The following HAUS7 variants were observed in gnomAD, a reference collection of about 807,000 sequenced individuals.
HAUS7 encodes HAUS augmin-like complex subunit 7.
A neutral mutation model predicts 28.4 loss-of-function variants in HAUS7; 3 were observed. The observed-to-expected ratio is 0.11, with a 90% CI of 0.05 to 0.27. The LOEUF is 0.27. HAUS7 is among the 10% of genes least tolerant of loss of function. The pLI is 1.00. For synonymous variants in HAUS7, 165 were observed against 132.1 expected (o/e 1.25, Z -1.71); for missense variants, 284 against 297.3 (o/e 0.96, Z 0.33).
intron 1 of HAUS7, among the ~76,000 whole-genome samples, chrX:153,485,114 C>T (rs1489967997): frequency 8.9e-6 from 1 of 112,186 alleles, no homozygotes; most frequent in Non-Finnish European, 1.9e-5. Flanking sequence ...ATGGAGCGAC[C>T]GGGGGCTCCC....
At chrX:153,473,343 G>T (rs1235957584), upstream of HAUS7, among the ~76,000 whole-genome samples, 5 of 112,581 alleles carry the variant, frequency 4.4e-5, no homozygotes, top group African/African-American at 1.6e-4. Flanking sequence ...TTAGACCTGA[G>T]GGGGAGCCAC....
chrX:153,480,888 G>T, intron 1 of HAUS7: 1 of 754,950 alleles, frequency 1.3e-6, no homozygotes, highest in Non-Finnish European at 1.6e-6. Context: ...GCCCTGGCAG[G>T]CCGGCAGGGA....
At chrX:153,448,364 A>G (rs781940162) in intron 9 of HAUS7, among the ~76,000 whole-genome samples, 133 of 82,134 alleles carry the variant, frequency 1.6e-3, no homozygotes, top group African/African-American at 5.9e-3. Context: ...TGGACACAGG[A>G]AGGGGAACAT....
upstream of HAUS7, chrX:153,470,637 T>TTC: frequency 8.8e-7 from 1 of 1,139,693 alleles, no homozygotes; most frequent in Non-Finnish European, 1.2e-6. Flanking sequence ...CCAGCGTTCT[T>TTC]CCCGCCCACC....
chrX:153,487,847 A>G (rs1311351060), intron 1 of HAUS7, among the ~76,000 whole-genome samples: 1 of 112,604 alleles, frequency 8.9e-6, no homozygotes, highest in Non-Finnish European at 1.9e-5. Flanking sequence ...CTGGCCAGAT[A>G]TGCTGGTGGA....
At chrX:153,455,029 G>A (rs782475675) in intron 8 of HAUS7, 17 of 1,023,438 alleles carry the variant, frequency 1.7e-5, no homozygotes, top group Non-Finnish European at 2.2e-5. Flanking sequence ...ACTAAAGCCG[G>A]CTTTTTAGGT....
intron 3 of HAUS7, among the ~76,000 whole-genome samples, chrX:153,464,637 T>C (rs192905747): frequency 3.6e-5 from 4 of 112,511 alleles, no homozygotes; most frequent in Non-Finnish European, 5.6e-5. Context: ...CAAGAAATGA[T>C]AGAAAGGAGG....
intron 1 of HAUS7, among the ~76,000 whole-genome samples, chrX:153,476,824 G>A (rs971934237): frequency 7.2e-5 from 8 of 110,907 alleles, no homozygotes; most frequent in Admixed American, 1.9e-4. Context: ...TCCAGACACC[G>A]GGCTCGGGAT....
At chrX:153,482,744 G>A (rs977633143) in intron 1 of HAUS7, 2 of 756,621 alleles carry the variant, frequency 2.6e-6, no homozygotes, top group Non-Finnish European at 3.1e-6. Flanking sequence ...CGCTGGAGGT[G>A]GAAGGGAACC....
chrX:153,458,420 G>A (rs1300252860), intron 4 of HAUS7, among the ~76,000 whole-genome samples: 3 of 113,242 alleles, frequency 2.6e-5, no homozygotes, highest in Admixed American at 9.3e-5. Flanking sequence ...CATGAGGCTG[G>A]CGAGGATCAC....
At chrX:153,481,295 A>AGCCCCTGTTCCTCAGTAGG (rs2089598196) in intron 1 of HAUS7, 1 of 706,437 alleles carries the variant, frequency 1.4e-6, no homozygotes, top group Non-Finnish European at 1.6e-6. Flanking sequence ...GCCTCGGGCA[A>AGCCCCTGTTCCTCAGTAGG]GCCCCTGTTC....
chrX:153,480,881 C>G (rs2089595380), intron 1 of HAUS7: 2 of 753,864 alleles, frequency 2.7e-6, no homozygotes, highest in Admixed American at 1.7e-4. Context: ...AGCTGAGGCC[C>G]TGGCAGGCCG....
At chrX:153,457,065 C>T in intron 5 of HAUS7, 72 bp downstream of exon 5, 1 of 704,702 alleles carries the variant, frequency 1.4e-6, no homozygotes. Context: ...ACACCCCAGC[C>T]CCTACCAGCT....
At chrX:153,456,196 G>C (rs1256207996) in intron 7 of HAUS7, 69 bp downstream of exon 7, 2 of 840,234 alleles carry the variant, frequency 2.4e-6, no homozygotes, top group East Asian at 6.3e-5. Flanking sequence ...TAAGCCTCAC[G>C]TGCTGAGGGA....
At chrX:153,478,315 A>T (rs1340307362) in intron 1 of HAUS7, among the ~76,000 whole-genome samples, 3 of 111,683 alleles carry the variant, frequency 2.7e-5, no homozygotes, top group Non-Finnish European at 3.8e-5. Flanking sequence ...GGCTCTAGGA[A>T]CTGGAGCCAG....
chrX:153,460,451 T>C (rs1309385218), intron 4 of HAUS7, among the ~76,000 whole-genome samples: 1 of 110,928 alleles, frequency 9.0e-6, no homozygotes, highest in Non-Finnish European at 1.9e-5. Flanking sequence ...TGGATGGTGG[T>C]GATGGCTGCA....
chrX:153,465,255 C>T (rs1287422191), intron 2 of HAUS7, among the ~76,000 whole-genome samples, 200 bp from the exon 3 acceptor site: 1 of 104,423 alleles, frequency 9.6e-6, no homozygotes, highest in Non-Finnish European at 1.9e-5. Context: ...AAGTTTACCT[C>T]GGAAATCTGG....
rs782505494 is a variant in HAUS7, at chrX:153,461,646, T to C, written c.354+964A>G. 3.1e-4 allele frequency: 43 copies of C among 136,515 alleles called. No individual in the cohort carries two copies. In the South Asian group the frequency reaches 0.012, roughly 37 times the overall value. 11.3% of individuals were successfully genotyped at this position (136,515 alleles called of 1,213,427 possible). ...CAAGCTCACAAAAAGACGCTCCGTA[T>C]CACTGGTCATGGGGAAATGCAAATC... On this transcript the variant is annotated intron_variant, in intron 4 of 9. Coordinates refer to ENST00000370211, the MANE Select transcript of HAUS7 (RefSeq NM_001385482.1).
chrX:153,491,061 C>T (rs1370216684), intron 1 of HAUS7, among the ~76,000 whole-genome samples: 1 of 111,541 alleles, frequency 9.0e-6, no homozygotes, highest in African/African-American at 3.3e-5. Context: ...AGGTTCGTGT[C>T]CAGGCAGAAG....
Sources: allele counts gnomAD v4.1 joint callset (sites outside exome capture counted in the v4.1 genomes callset), GRCh38; gene constraint gnomAD v4.1.1; transcripts MANE v1.5; gene names NCBI Gene and HGNC (gene_info 2026-07-23, HGNC 2026-07-21).